The following RANBP2 variants were observed in gnomAD, a reference collection of about 807,000 sequenced individuals.
RANBP2 encodes the protein E3 SUMO-protein ligase RanBP2.
Under a neutral mutation model 303.6 loss-of-function variants are expected in RANBP2, and 57 were observed. The observed-to-expected ratio is 0.19, with a 90% CI of 0.15 to 0.23. The LOEUF is 0.23. RANBP2 is among the 10% of genes least tolerant of loss of function. The pLI, the probability that RANBP2 is intolerant of heterozygous loss-of-function variation, is 1.00. For missense variants in RANBP2, 3,138 were observed against 3,780.8 expected (o/e 0.83, Z 4.46); for synonymous variants, 1,167 against 1,301.5 (o/e 0.90, Z 2.23).
the RANBP2 span, among the ~76,000 whole-genome samples, chr2:109,630,489 C>A: frequency 2.0e-5 from 3 of 152,216 alleles, no homozygotes; most frequent in Admixed American, 2.0e-4. Flanking sequence ...CCCTGCCTTG[C>A]GGTTCCTGTG....
chr2:109,551,835 TC>T, the RANBP2 span, among the ~76,000 whole-genome samples: 1 of 152,242 alleles, frequency 6.6e-6, no homozygotes, highest in African/African-American at 2.4e-5. Context: ...ATAGCTTTAC[TC>T]AAAACCTAAA....
At chr2:108,732,596 G>C (rs1558877870) in intron 4 of RANBP2, among the ~76,000 whole-genome samples, 2 of 152,164 alleles carry the variant, frequency 1.3e-5, no homozygotes, top group Admixed American at 1.3e-4. Flanking sequence ...TGTATGTATA[G>C]TTTTCTTTCA....
chr2:108,802,172 A>G, the RANBP2 span, among the ~76,000 whole-genome samples: 5 of 140,232 alleles, frequency 3.6e-5, no homozygotes, highest in Non-Finnish European at 7.7e-5. Context: ...GAAGAAAGTC[A>G]TTGGTAGCTT....
chr2:109,170,118 A>T, the RANBP2 span, among the ~76,000 whole-genome samples: 1 of 152,204 alleles, frequency 6.6e-6, no homozygotes. Flanking sequence ...TTAGGCTATG[A>T]AGGTGTTTTA....
At chr2:108,738,256 T>C (rs1695784689) in intron 6 of RANBP2, among the ~76,000 whole-genome samples, 2 of 151,164 alleles carry the variant, frequency 1.3e-5, no homozygotes, top group Admixed American at 1.3e-4. Flanking sequence ...TTTGTATTTT[T>C]AGTAGAGATG....
At chr2:109,533,423 T>C in the RANBP2 span, among the ~76,000 whole-genome samples, 1 of 152,210 alleles carries the variant, frequency 6.6e-6, no homozygotes, top group African/African-American at 2.4e-5. Flanking sequence ...TAAGTTTCAT[T>C]TGTCTCTGCT....
the RANBP2 span, among the ~76,000 whole-genome samples, chr2:109,419,071 G>C: frequency 6.6e-6 from 1 of 152,210 alleles, no homozygotes; most frequent in Admixed American, 6.5e-5. Context: ...GTGACTCCCG[G>C]TCCTCTTGGC....
the RANBP2 span, among the ~76,000 whole-genome samples, chr2:108,964,963 AT>A: frequency 8.5e-5 from 13 of 152,154 alleles, no homozygotes; most frequent in African/African-American, 2.4e-4. Flanking sequence ...TAACATTTAA[AT>A]TTTTTTTAAT....
At chr2:109,543,700 C>T in the RANBP2 span, 1 of 155,502 alleles carries the variant, frequency 6.4e-6, no homozygotes, top group Non-Finnish European at 1.4e-5. Context: ...TAATGCACTG[C>T]AGTGACAATA....
chr2:109,734,449 T>C, the RANBP2 span, among the ~76,000 whole-genome samples: 12 of 152,240 alleles, frequency 7.9e-5, no homozygotes, highest in Non-Finnish European at 1.0e-4. Flanking sequence ...ATTAATACAC[T>C]GACAACTATA....
chr2:109,589,059 T>C, the RANBP2 span, among the ~76,000 whole-genome samples: 9 of 151,454 alleles, frequency 5.9e-5, no homozygotes, highest in Admixed American at 5.9e-4. Context: ...GCCTCTGGAG[T>C]AGTTGGGATT....
chr2:109,059,517 A>C, the RANBP2 span, among the ~76,000 whole-genome samples: 2 of 151,764 alleles, frequency 1.3e-5, no homozygotes, highest in African/African-American at 4.8e-5. Context: ...CAGAGCTTGC[A>C]CTGAGCTGAG....
At chr2:109,294,080 A>G in the RANBP2 span, among the ~76,000 whole-genome samples, 1 of 152,106 alleles carries the variant, frequency 6.6e-6, no homozygotes, top group Non-Finnish European at 1.5e-5. Context: ...TCCTTCTGAC[A>G]TGTAAGATGG....
the RANBP2 span, among the ~76,000 whole-genome samples, chr2:109,714,808 C>T: frequency 3.9e-5 from 6 of 152,056 alleles, no homozygotes; most frequent in African/African-American, 1.2e-4. Context: ...CAGGTTTTCA[C>T]CATGTTGACC....
chr2:109,360,316 T>G, the RANBP2 span, among the ~76,000 whole-genome samples: 2 of 152,230 alleles, frequency 1.3e-5, no homozygotes, highest in African/African-American at 4.8e-5. Flanking sequence ...ATTGGTAGCA[T>G]ATAAATCCAG....
rs115982724 is a variant in RANBP2 at position 108,729,020 on chromosome 2, G to A, written c.73-112G>A. On this transcript the variant is annotated intron_variant, in intron 1 of 28. Transcript: ENST00000283195. ...TCAGCCTTTAAAAAAACTTTTAAGT[G>A]AATGAAAGTGGCGTATTTGAACATC... 4.8e-3 allele frequency: 6,250 copies of A among 1,297,952 alleles called. 249 individuals carry two copies. The African/African-American group carries it at 0.083, about 17-fold the overall frequency. The allele number at this position is 1,297,952 out of a possible 1,614,324, so 80.4% of individuals were successfully genotyped here. A position where few individuals can be genotyped will look rare whatever the true frequency, so the allele number is the denominator to read the frequency against.
chr2:108,846,650 C>G, the RANBP2 span: 11 of 1,188,410 alleles, frequency 9.3e-6, no homozygotes, highest in Non-Finnish European at 1.2e-5. Context: ...GCATTCCAAC[C>G]TGGGCAACAG....
At chr2:108,926,837 C>T in the RANBP2 span, among the ~76,000 whole-genome samples, 3 of 152,240 alleles carry the variant, frequency 2.0e-5, no homozygotes, top group South Asian at 6.2e-4. Flanking sequence ...CACAGCCTGA[C>T]AGCCACTTGG....
At chr2:109,656,054 C>T in the RANBP2 span, among the ~76,000 whole-genome samples, 1 of 152,186 alleles carries the variant, frequency 6.6e-6, no homozygotes, top group Admixed American at 6.5e-5. Context: ...CTCCACAAAT[C>T]CTAAGTCCCC....
Sources: gnomAD v4.1 joint callset for allele counts (sites outside exome capture counted in the v4.1 genomes callset) on GRCh38, gnomAD v4.1.1 for gene constraint, MANE v1.5 for transcripts, NCBI Gene and HGNC (gene_info 2026-07-23, HGNC 2026-07-21) for gene names.